GOLGA4: variants seen among roughly 807,000 people sequenced by gnomAD.
GOLGA4 encodes golgin subfamily A member 4.
Under a neutral mutation model 265.9 loss-of-function variants are expected in GOLGA4, and 169 were observed. The ratio of observed to expected loss-of-function variants is 0.64; its 90% CI spans 0.56 to 0.72. GOLGA4 has a LOEUF of 0.72. Ranked by LOEUF, GOLGA4 falls within the 30% of genes least tolerant of loss-of-function variation. The pLI is 0.00. For missense variants in GOLGA4, 2,482 were observed against 2,483.4 expected, an observed-to-expected ratio of 1.00 and a Z score of 0.01; for synonymous variants, 923 against 855.8, an observed-to-expected ratio of 1.08 and a Z score of -1.37.
At chr3:37,358,145 C>T (rs571810533) in intron 22 of GOLGA4, among the ~76,000 whole-genome samples, 45 of 152,226 alleles carry the variant, frequency 3.0e-4, no homozygotes, top group African/African-American at 1.1e-3. Context: ...GTGTTGACAG[C>T]GTGCAGCCCA....
At chr3:37,243,919 A>G in intron 1 of GOLGA4, 1 of 417,334 alleles carries the variant, frequency 2.4e-6, no homozygotes. Flanking sequence ...CCGAACTTGC[A>G]TGATTTCTGA....
intron 2 of GOLGA4, among the ~76,000 whole-genome samples, chr3:37,259,816 TC>T (rs1247518671): frequency 1.8e-4 from 28 of 152,328 alleles, no homozygotes; most frequent in African/African-American, 6.5e-4. Context: ...CTTGGTCTTT[TC>T]ATTGGCGATT....
intron 16 of GOLGA4, among the ~76,000 whole-genome samples, chr3:37,332,392 A>G (rs892414435): frequency 6.6e-6 from 1 of 152,172 alleles, no homozygotes; most frequent in Non-Finnish European, 1.5e-5. Context: ...CTGTCATCCC[A>G]ACACTTTGGG....
chr3:37,286,012 A>T lies in GOLGA4; in HGVS notation c.478-2A>T. 1 of 1,544,128 alleles carries T rather than the reference A, an allele frequency of 6.5e-7. No homozygotes were observed. Among genetic ancestry groups the T allele is most frequent in the Non-Finnish European group, 8.9e-7 (1 of 1,124,464 alleles). On this transcript the variant is annotated splice_acceptor_variant, in intron 3 of 23. Transcript: ENST00000361924. LOFTEE classifies it high-confidence loss of function. ...CTAATGTTGTTGATGACTATATTTT[A>T]GCTTGTTACAGCTTATCAGATGCTT...
intron 23 of GOLGA4, 74 bp from the exon 24 acceptor site, chr3:37,366,006 C>A (rs561613949): frequency 2.5e-5 from 32 of 1,270,708 alleles, no homozygotes; most frequent in East Asian, 5.1e-5. Flanking sequence ...AAACAAATAT[C>A]CCAAAAAGTC....
chr3:37,243,513 G>T lies in GOLGA4; in HGVS notation c.-38G>T. On this transcript the variant is annotated 5_prime_UTR_variant, in exon 1 of 24. In the 5' UTR this introduces an upstream ATG that the reference lacks. Transcript: ENST00000361924. The stretch of plus-strand genomic sequence containing the variant: ...GGACTCCCCGGGCTCTCGCCCTTCA[G>T]GTTTCGTTGACACTCAGGACCGTAC... 6.3e-7 allele frequency: 1 copy of T among 1,597,038 alleles called. No individual in the cohort carries two copies. The highest frequency in any genetic ancestry group is 1.1e-5 in the South Asian group (1 of 90,740).
In GOLGA4 at chr3:37,323,523, CT is replaced by C. The variant is rs1406873525; in HGVS notation, c.1702-64del. 1.8e-5 allele frequency: 16 copies of C among 901,432 alleles called. No individual in the cohort carries two copies. The Admixed American group carries it at 2.4e-4, about 14-fold the overall frequency. 55.8% of individuals were successfully genotyped at this position (901,432 alleles called of 1,614,324 possible). On this transcript the variant is annotated intron_variant, in intron 13 of 23. Transcript: ENST00000361924. ...TTCAGGTAGGTGGTAGACATCATGT[CT>C]GTGTATCATTGTTAGTAGACAAGTA...
intron 23 of GOLGA4, among the ~76,000 whole-genome samples, chr3:37,363,409 T>G (rs1273165503): frequency 2.6e-5 from 4 of 152,212 alleles, no homozygotes; most frequent in African/African-American, 9.6e-5. Context: ...ATTAATTGAT[T>G]AATTGATTGT....
At position 37,321,867 on chromosome 3, in the gene GOLGA4, A is replaced by G. The variant is rs2076471342; in HGVS notation, c.1682A>G (p.Glu561Gly). The change falls in exon 13 of 24, where the codon GAA becomes GGA. Residue 561 changes from glutamate (E) to glycine (G), a missense_variant. By Grantham distance (98) the Glu-to-Gly change is moderately conservative. Around this residue, in one of 3 missense-constraint regions of GOLGA4, gnomAD observed 1,536 missense variants for 1,483.7 expected, o/e 1.04. Transcript: ENST00000361924. The part of the protein sequence containing the change: ...SENKLRDLQQ[E>G]AETYRTRILE... ...AATAAACTTCGGGACCTTCAGCAAG[A>G]AGCAGAGACTTACAGAACTGTAAGT... The G allele has an allele frequency of 6.2e-7, 1 of 1,606,366 alleles. No individual in the cohort carries two copies.
At chr3:37,250,780 T>A (rs191973193) in intron 1 of GOLGA4, among the ~76,000 whole-genome samples, 1 of 149,496 alleles carries the variant, frequency 6.7e-6, no homozygotes, top group Non-Finnish European at 1.5e-5. Context: ...TCTCCTGAGT[T>A]TTTTTGCGCT....
intron 19 of GOLGA4, 113 bp downstream of exon 19, chr3:37,337,847 G>A: frequency 1.6e-6 from 1 of 643,214 alleles, no homozygotes; most frequent in Non-Finnish European, 2.8e-6. Context: ...TTACACCCAG[G>A]AAATTTTATT....
chr3:37,251,625 C>CTTTT, intron 2 of GOLGA4, 141 bp downstream of exon 2: 15 of 476,450 alleles, frequency 3.1e-5, no homozygotes, highest in South Asian at 7.7e-5. Context: ...CACAATTGGT[C>CTTTT]TTTTTTTTTT....
intron 10 of GOLGA4, among the ~76,000 whole-genome samples, chr3:37,305,477 C>CT (rs1303348463): frequency 3.3e-5 from 5 of 152,070 alleles, no homozygotes; most frequent in Non-Finnish European, 7.4e-5. Context: ...GGAAGTGATT[C>CT]TTAGTTCAAA....
chr3:37,340,204 GGATGATCTC>G lies in GOLGA4; in HGVS notation c.6472+7_6472+15del, dbSNP rs2097028607. ...CTGTGGGGACACCTTACAAAGGTAA[GGATGATCTC>G]GTGTCATGTTATTAACTGTTATCTT... On this transcript the variant is annotated splice_donor_region_variant and intron_variant, in intron 20 of 23. Coordinates refer to ENST00000361924, the MANE Select transcript of GOLGA4 (RefSeq NM_002078.5). The G allele has an allele frequency of 1.7e-6, 2 of 1,187,042 alleles. No homozygotes were observed. The highest frequency in any genetic ancestry group is 2.4e-6 in the Non-Finnish European group (2 of 825,806). The allele number at this position is 1,187,042 out of a possible 1,614,324, so 73.5% of individuals were successfully genotyped here.
intron 21 of GOLGA4, among the ~76,000 whole-genome samples, chr3:37,353,313 T>C (rs527809849): frequency 3.6e-4 from 55 of 152,098 alleles, no homozygotes; most frequent in African/African-American, 1.3e-3. Context: ...GACAAAGAAT[T>C]CCCACACACC....
Position 37,325,996 on chromosome 3 carries a change from C to T in GOLGA4, c.4110C>T (p.Ser1370=), listed in dbSNP as rs2096969543. The change falls in exon 14 of 24, where the codon AGC becomes AGT. Residue 1370 remains serine (S), a synonymous_variant. Transcript: ENST00000361924. ...TTAAAGAAAAAAAAGTTGAGATTAG[C>T]AGTCTTAGTAAACAACTAACTGATT... ...EELKEKKVEI[S]SLSKQLTDLN... is the part of the protein sequence containing the mutation. The T allele has an allele frequency of 2.5e-6, 4 of 1,612,818 alleles. No individual in the cohort carries two copies. The highest frequency in any genetic ancestry group is 3.4e-6 in the Non-Finnish European group (4 of 1,179,180).
In GOLGA4 at chr3:37,319,325, A is replaced by G. The variant is rs2096948018; in HGVS notation, c.1545+131A>G. On this transcript the variant is annotated intron_variant, in intron 12 of 23. Transcript: ENST00000361924. ...CTTGACGTTTGGGTATAAAGAGAGGATAGAGAGTAGGCAAGCTGTCAGAGC... is the reference window on the plus strand; with the variant it reads ...CTTGACGTTTGGGTATAAAGAGAGGGTAGAGAGTAGGCAAGCTGTCAGAGC... 7 of 636,798 alleles carry G rather than the reference A, an allele frequency of 1.1e-5. No individual in the cohort carries two copies. The South Asian group carries it at 1.8e-4, about 16-fold the overall frequency. 39.4% of individuals were successfully genotyped at this position (636,798 alleles called of 1,614,324 possible). A position where few individuals can be genotyped will look rare whatever the true frequency, so the allele number is the denominator to read the frequency against.
At chr3:37,289,114 T>A (rs929533368) in intron 4 of GOLGA4, 121 bp from the exon 5 acceptor site, 2 of 608,200 alleles carry the variant, frequency 3.3e-6, no homozygotes, top group Non-Finnish European at 5.8e-6. Flanking sequence ...TCCTCTATCT[T>A]CAGGTTATTT....
At chr3:37,361,663 A>G (rs1696283634) in intron 23 of GOLGA4, among the ~76,000 whole-genome samples, 1 of 152,242 alleles carries the variant, frequency 6.6e-6, no homozygotes, top group Non-Finnish European at 1.5e-5. Flanking sequence ...TGAGAGAGAA[A>G]TGAAAAATCA....
Sources: allele counts gnomAD v4.1 joint callset (sites outside exome capture counted in the v4.1 genomes callset), GRCh38; gene constraint gnomAD v4.1.1; regional missense constraint gnomAD v4.1.1; transcripts MANE v1.5; gene names NCBI Gene and HGNC (gene_info 2026-07-23, HGNC 2026-07-21).